Variants in OSBPL10 observed in about 807,000 individuals in gnomAD.
The protein encoded by OSBPL10 is oxysterol-binding protein-related protein 10.
Under a neutral mutation model 81.7 loss-of-function variants are expected in OSBPL10, and 49 were observed. The observed-to-expected ratio is 0.60, with a 90% CI of 0.48 to 0.76. The LOEUF is 0.76. Ranked by LOEUF, OSBPL10 falls within the 30% of genes least tolerant of loss-of-function variation. OSBPL10 has a pLI of 0.00. For synonymous variants in OSBPL10, 419 were observed against 383.6 expected (o/e 1.09, Z -1.08); for missense variants, 923 against 987.8 (o/e 0.93, Z 0.88).
intron 6 of OSBPL10, among the ~76,000 whole-genome samples, chr3:31,703,097 T>C (rs1695950980): frequency 1.3e-5 from 2 of 152,242 alleles, no homozygotes; most frequent in African/African-American, 2.4e-5. Flanking sequence ...TTTATGATAC[T>C]ACTGGGATTC....
Position 31,673,939 on chromosome 3 carries a change from C to T in OSBPL10, c.1727-2956G>A, listed in dbSNP as rs142272281. 4.2e-3 allele frequency among the ~76,000 whole-genome samples: 641 copies of T among 152,016 alleles called. 8 individuals carry two copies. Among genetic ancestry groups the T allele is most frequent in the African/African-American group, 0.014 (599 of 41,390 alleles). On this transcript the variant is annotated intron_variant, in intron 8 of 11. Coordinates refer to ENST00000396556, the MANE Select transcript of OSBPL10 (RefSeq NM_017784.5). ...GGGACTACAAGCATGCACCACCATACCCAACTAATTGAAAAAAAAATTATT... is the reference window on the plus strand; with the variant it reads ...GGGACTACAAGCATGCACCACCATATCCAACTAATTGAAAAAAAAATTATT...
At chr3:32,001,254 G>A (rs12639463) in intron 2 of OSBPL10, among the ~76,000 whole-genome samples, 16,020 of 152,118 alleles carry the variant, frequency 0.11, 1,021 homozygotes, top group East Asian at 0.32. Flanking sequence ...TGTCCCAAGA[G>A]AACTTCCCGG....
At chr3:31,664,530 A>C in intron 10 of OSBPL10, 1 of 511,444 alleles carries the variant, frequency 2.0e-6, no homozygotes, top group Non-Finnish European at 3.5e-6. Flanking sequence ...TACTACAAAC[A>C]ACGGTAGCAG....
chr3:31,705,432 T>C (rs1028723643), intron 6 of OSBPL10, among the ~76,000 whole-genome samples: 2 of 138,102 alleles, frequency 1.4e-5, no homozygotes, highest in African/African-American at 5.6e-5. Context: ...AAGGCAGCAG[T>C]AGTCAGCAGG....
intron 2 of OSBPL10, among the ~76,000 whole-genome samples, chr3:32,028,859 T>C (rs561111252): frequency 6.6e-6 from 1 of 151,516 alleles, no homozygotes; most frequent in African/African-American, 2.4e-5. Context: ...CCAAAACTCA[T>C]GACTCTAATC....
intron 1 of OSBPL10, among the ~76,000 whole-genome samples, chr3:31,957,808 T>C (rs74644852): frequency 6.6e-6 from 1 of 152,122 alleles, no homozygotes; most frequent in Non-Finnish European, 1.5e-5. Context: ...GCCTGACTAA[T>C]TTTTGTATTT....
intron 1 of OSBPL10, among the ~76,000 whole-genome samples, chr3:31,965,900 A>C: frequency 9.1e-6 from 1 of 109,348 alleles, no homozygotes; most frequent in East Asian, 2.6e-4. Context: ...TATATTATAT[A>C]TTATATAAAA....
intron 2 of OSBPL10, among the ~76,000 whole-genome samples, chr3:32,011,662 G>A (rs951976086): frequency 3.9e-5 from 6 of 152,130 alleles, no homozygotes; most frequent in South Asian, 2.1e-4. Flanking sequence ...GAGAAAGTTC[G>A]AACCCATGGC....
chr3:31,766,185 C>T lies in OSBPL10; in HGVS notation c.730-18065G>A, dbSNP rs1575530168. On this transcript the variant is annotated intron_variant, in intron 4 of 11. Transcript: ENST00000396556. Reference sequence around the variant, plus strand: ...TACGTTATTGGCTCTGGGTCACATGCCTGCCTGAGCCCACTCAGCTGACAC... The same window carrying T: ...TACGTTATTGGCTCTGGGTCACATGTCTGCCTGAGCCCACTCAGCTGACAC... Among the ~76,000 whole-genome samples the T allele has an allele frequency of 2.0e-5, 3 of 152,086 alleles. No individual in the cohort carries two copies. The South Asian group carries it at 6.2e-4, about 32-fold the overall frequency.
chr3:31,857,951 T>C (rs1356340822), intron 3 of OSBPL10, among the ~76,000 whole-genome samples: 1 of 151,064 alleles, frequency 6.6e-6, no homozygotes, highest in Non-Finnish European at 1.5e-5. Flanking sequence ...CCGTTTTTGT[T>C]TGACTGGTTG....
At chr3:31,878,814 C>CGTGTGTGTGTGT (rs1559502481) in intron 2 of OSBPL10, among the ~76,000 whole-genome samples, 13 of 104,824 alleles carry the variant, frequency 1.2e-4, no homozygotes, top group African/African-American at 3.8e-4. Flanking sequence ...TCTGCGTGTC[C>CGTGTGTGTGTGT]ATGTGTGTGT....
At chr3:31,946,215 G>A (rs1697698692) in intron 1 of OSBPL10, among the ~76,000 whole-genome samples, 2 of 151,938 alleles carry the variant, frequency 1.3e-5, no homozygotes, top group African/African-American at 4.8e-5. Context: ...CCTGATCTCA[G>A]GTGATCCACC....
intron 2 of OSBPL10, among the ~76,000 whole-genome samples, chr3:32,014,381 G>C (rs1016867034): frequency 1.3e-5 from 2 of 152,146 alleles, no homozygotes; most frequent in African/African-American, 4.8e-5. Flanking sequence ...AAAGGCCTTT[G>C]ACAAAATTCA....
At chr3:31,947,279 C>T (rs952045454) in intron 1 of OSBPL10, among the ~76,000 whole-genome samples, 2 of 152,090 alleles carry the variant, frequency 1.3e-5, no homozygotes, top group Non-Finnish European at 2.9e-5. Flanking sequence ...GATCTAGGCA[C>T]GAACAAGGTC....
At chr3:31,823,844 A>ATGTG (rs10588069) in intron 4 of OSBPL10, among the ~76,000 whole-genome samples, 18,025 of 148,298 alleles carry the variant, frequency 0.12, 1,398 homozygotes, top group East Asian at 0.44. Context: ...GTATGTGTGT[A>ATGTG]TGTGTGTGTG....
At chr3:31,875,172 C>T (rs1244324358) in intron 3 of OSBPL10, among the ~76,000 whole-genome samples, 1 of 149,426 alleles carries the variant, frequency 6.7e-6, no homozygotes, top group African/African-American at 2.5e-5. Context: ...GTTATATATA[C>T]ATACACATAC....
chr3:31,849,011 T>C (rs773217400), intron 3 of OSBPL10, among the ~76,000 whole-genome samples: 1 of 152,204 alleles, frequency 6.6e-6, no homozygotes, highest in Non-Finnish European at 1.5e-5. Flanking sequence ...GGCTGTGTCA[T>C]TTGCTCTGAC....
At chr3:31,889,716 AC>A (rs1695839939) in intron 1 of OSBPL10, among the ~76,000 whole-genome samples, 2 of 152,262 alleles carry the variant, frequency 1.3e-5, no homozygotes, top group African/African-American at 4.8e-5. Flanking sequence ...TTATAGCTAG[AC>A]GGGAGGATTT....
In OSBPL10 at chr3:31,702,233, C is replaced by G. The variant is rs796930774; in HGVS notation, c.1245+126G>C. On this transcript the variant is annotated intron_variant, in intron 7 of 11. Coordinates refer to ENST00000396556, the MANE Select transcript of OSBPL10 (RefSeq NM_017784.5). ...GGAATATCCATACTTGAAAGCAATGCTGGCCTTTTTCCCCACTCTTCTTCT... is the reference window on the plus strand; with the variant it reads ...GGAATATCCATACTTGAAAGCAATGGTGGCCTTTTTCCCCACTCTTCTTCT... 1.3e-5 allele frequency: 15 copies of G among 1,139,688 alleles called. No individual in the cohort carries two copies. In the African/African-American group the frequency reaches 2.0e-4, roughly 15 times the overall value. The allele number at this position is 1,139,688 out of a possible 1,614,324, so 70.6% of individuals were successfully genotyped here.
Sources: gnomAD v4.1 joint callset for allele counts (sites outside exome capture counted in the v4.1 genomes callset) on GRCh38, gnomAD v4.1.1 for gene constraint, MANE v1.5 for transcripts, NCBI Gene and HGNC (gene_info 2026-07-23, HGNC 2026-07-21) for gene names.